Variants in ALX4 observed in about 807,000 individuals in gnomAD.
ALX4 encodes homeobox protein aristaless-like 4.
Under a neutral mutation model 40.6 loss-of-function variants are expected in ALX4, and 22 were observed. The ratio of observed to expected loss-of-function variants is 0.54; its 90% CI spans 0.39 to 0.77. The LOEUF (loss-of-function observed/expected upper bound fraction) is 0.77. ALX4 is among the 30% of genes least tolerant of loss of function. The probability of loss-of-function intolerance (pLI) is 0.00; values close to 1 mark genes in which losing one functional copy is unlikely to be tolerated. For missense variants in ALX4, 556 were observed against 564.8 expected, an observed-to-expected ratio of 0.98 and a Z score of 0.16; for synonymous variants, 266 against 240.5, an observed-to-expected ratio of 1.11 and a Z score of -0.98.
rs113949024 is a variant in ALX4, at chr11:44,270,376, G to A, written c.778-2754C>T. Among the ~76,000 whole-genome samples, 340 of 151,912 alleles carry A rather than the reference G, an allele frequency of 2.2e-3. 3 individuals carry two copies. The highest frequency in any genetic ancestry group is 7.5e-3 in the African/African-American group (310 of 41,394). Reference sequence around the variant, plus strand: ...GTGAGCGACCGGTGGGAGCAGGGCTGCCCACCTCCTCCCTCCTTCTTCTCC... The same window carrying A: ...GTGAGCGACCGGTGGGAGCAGGGCTACCCACCTCCTCCCTCCTTCTTCTCC... On this transcript the variant is annotated intron_variant, in intron 2 of 3. Transcript: ENST00000652299.
chr11:44,272,217 G>T (rs985477183), intron 2 of ALX4, among the ~76,000 whole-genome samples: 2 of 152,202 alleles, frequency 1.3e-5, no homozygotes, highest in Non-Finnish European at 2.9e-5. Flanking sequence ...GAATAAAATG[G>T]CAGTCTTGCC....
intron 1 of ALX4, among the ~76,000 whole-genome samples, chr11:44,308,805 A>T (rs1018867020): frequency 2.0e-5 from 3 of 152,140 alleles, no homozygotes; most frequent in Non-Finnish European, 4.4e-5. Context: ...GGGACTCGGG[A>T]CTTCCTGTCT....
chr11:44,297,182 A>G (rs2119872004), intron 1 of ALX4, among the ~76,000 whole-genome samples: 1 of 152,328 alleles, frequency 6.6e-6, no homozygotes, highest in East Asian at 1.9e-4. Flanking sequence ...TGATGGTTAC[A>G]CAATATTGTG....
At chr11:44,276,385 C>A (rs1325934696) in intron 1 of ALX4, among the ~76,000 whole-genome samples, 4 of 152,246 alleles carry the variant, frequency 2.6e-5, no homozygotes, top group African/African-American at 9.6e-5. Context: ...GCCCGGGCAC[C>A]TTCATCCCCA....
At chr11:44,304,511 T>A (rs1307109328) in intron 1 of ALX4, among the ~76,000 whole-genome samples, 4 of 151,774 alleles carry the variant, frequency 2.6e-5, no homozygotes, top group African/African-American at 9.7e-5. Context: ...CCATGAATCA[T>A]CCCAAGGCCT....
intron 3 of ALX4, 94 bp downstream of exon 3, chr11:44,267,400 G>C: frequency 6.5e-7 from 1 of 1,536,160 alleles, no homozygotes; most frequent in Non-Finnish European, 8.9e-7. Context: ...GGAGCCATAA[G>C]TCATCTCGGG....
At chr11:44,296,446 T>C (rs754749391) in intron 1 of ALX4, among the ~76,000 whole-genome samples, 2 of 152,106 alleles carry the variant, frequency 1.3e-5, no homozygotes, top group African/African-American at 2.4e-5. Context: ...AATAAAGAAA[T>C]TGAAAAATTG....
intron 1 of ALX4, among the ~76,000 whole-genome samples, chr11:44,305,081 A>G (rs1956458310): frequency 6.6e-6 from 1 of 152,236 alleles, no homozygotes; most frequent in African/African-American, 2.4e-5. Flanking sequence ...AACTTACAAA[A>G]AATGTTTTTG....
chr11:44,293,864 G>T (rs995160098), intron 1 of ALX4, among the ~76,000 whole-genome samples: 1 of 152,222 alleles, frequency 6.6e-6, no homozygotes, highest in Non-Finnish European at 1.5e-5. Context: ...TCCTGGGCTG[G>T]GCTGGCCTGG....
chr11:44,268,246 G>T (rs1022470809), intron 2 of ALX4, among the ~76,000 whole-genome samples: 1 of 152,182 alleles, frequency 6.6e-6, no homozygotes, highest in Non-Finnish European at 1.5e-5. Flanking sequence ...GCCTTGAATG[G>T]TTGGCTGAAA....
intron 1 of ALX4, among the ~76,000 whole-genome samples, chr11:44,306,690 T>G (rs1956470560): frequency 6.6e-6 from 1 of 152,200 alleles, no homozygotes; most frequent in Non-Finnish European, 1.5e-5. Context: ...GAACTCCATT[T>G]CTCCGCTTTT....
chr11:44,288,926 G>C (rs1019053486), intron 1 of ALX4, among the ~76,000 whole-genome samples: 4 of 152,118 alleles, frequency 2.6e-5, no homozygotes, highest in Non-Finnish European at 5.9e-5. Flanking sequence ...CTCTGCCAAG[G>C]CCTGGGTCCC....
Position 44,309,170 on chromosome 11 carries a change from C to CCCCGCTGT in ALX4, c.466+426_466+427insACAGCGGG, listed in dbSNP as rs1473604806. Among the ~76,000 whole-genome samples, 860 of 124,444 alleles carry CCCCGCTGT rather than the reference C, an allele frequency of 6.9e-3. 55 individuals carry two copies. Among genetic ancestry groups the CCCCGCTGT allele is most frequent in the South Asian group, 0.013 (51 of 3,876 alleles). 81.6% of individuals were successfully genotyped at this position (124,444 alleles called of 152,430 possible). ...GTCCTGCTGTCCCGCAGCCCCGCAG[C>CCCCGCTGT]CCCGCAGCCTCGCAGCCCCGCAGCC... On this transcript the variant is annotated intron_variant, in intron 1 of 3. Transcript: ENST00000652299.
intron 2 of ALX4, among the ~76,000 whole-genome samples, chr11:44,270,678 G>A (rs1356517096): frequency 6.6e-6 from 1 of 152,098 alleles, no homozygotes. Context: ...TCCCAGCTCT[G>A]CACCGCAGGC....
intron 3 of ALX4, among the ~76,000 whole-genome samples, chr11:44,265,714 G>C (rs762826248): frequency 5.3e-5 from 8 of 152,068 alleles, no homozygotes; most frequent in Non-Finnish European, 1.2e-4. Context: ...AGAAACCAAG[G>C]GTCAGTGGCT....
chr11:44,299,662 G>A lies in ALX4; in HGVS notation c.466+9935C>T, dbSNP rs1956424385. ...GGCATGAGCCACTGCACCGTGCCCT[G>A]GGGGCCATGTTTGTAAGACCCTGTC... On this transcript the variant is annotated intron_variant, in intron 1 of 3. Transcript: ENST00000652299. Among the ~76,000 whole-genome samples, 7 of 152,112 alleles carry A rather than the reference G, an allele frequency of 4.6e-5. No homozygotes were observed. The South Asian group carries it at 1.2e-3, about 27-fold the overall frequency.
At chr11:44,297,222 T>C (rs1030640842) in intron 1 of ALX4, among the ~76,000 whole-genome samples, 3 of 152,222 alleles carry the variant, frequency 2.0e-5, no homozygotes, top group African/African-American at 4.8e-5. Flanking sequence ...AAAGGTTCAC[T>C]TGTAGATGTT....
intron 1 of ALX4, among the ~76,000 whole-genome samples, chr11:44,302,843 C>A (rs189607845): frequency 3.3e-5 from 5 of 152,086 alleles, no homozygotes; most frequent in Admixed American, 1.3e-4. Flanking sequence ...GACAAAAATG[C>A]GTGTGGGGGT....
intron 1 of ALX4, 126 bp downstream of exon 1, chr11:44,309,471 C>T: frequency 6.8e-7 from 1 of 1,480,216 alleles, no homozygotes; most frequent in Middle Eastern, 2.4e-4. Context: ...TCCCGTTTAC[C>T]GACCAGAGTC....
Sources: gnomAD v4.1 joint callset for allele counts (sites outside exome capture counted in the v4.1 genomes callset) on GRCh38, gnomAD v4.1.1 for gene constraint, MANE v1.5 for transcripts, NCBI Gene and HGNC (gene_info 2026-07-23, HGNC 2026-07-21) for gene names.